Variants in NEXMIF observed in about 807,000 individuals in gnomAD.
NEXMIF encodes the protein XLMR protein related to neurite extension.
In NEXMIF, 8 loss-of-function variants were observed where a neutral mutation model predicts 62.1. That is an observed-to-expected ratio of 0.13 (90% CI 0.08 to 0.23). The LOEUF is 0.23. Among genes scored for constraint, NEXMIF ranks in the 10% least tolerant of loss-of-function variants. The pLI is 1.00. For synonymous variants in NEXMIF, 404 were observed against 416.6 expected (o/e 0.97, Z 0.37); for missense variants, 976 against 1,113.3 (o/e 0.88, Z 1.75).
chrX:74,765,719 A>G (rs1269797704), intron 1 of NEXMIF, among the ~76,000 whole-genome samples: 1 of 110,061 alleles, frequency 9.1e-6, no homozygotes, highest in Non-Finnish European at 1.9e-5. Context: ...TCTCGGTTGA[A>G]GATTTTTTTC....
chrX:74,739,173 A>T lies in NEXMIF; in HGVS notation c.*232T>A. On this transcript the variant is annotated 3_prime_UTR_variant, in exon 4 of 4. Coordinates refer to ENST00000055682, the MANE Select transcript of NEXMIF (RefSeq NM_001008537.3). ...TTGATATAGAAGTAAAAATATATAC[A>T]GTACAGTCACTTGTTTGTAGTTTGG... 3.4e-6 allele frequency: 1 copy of T among 291,977 alleles called. No homozygotes were observed. The highest frequency in any genetic ancestry group is 6.2e-5 in the East Asian group (1 of 16,102). The allele number at this position is 291,977 out of a possible 1,213,427, so 24.1% of individuals were successfully genotyped here.
chrX:74,884,399 C>A (rs2080681208), intron 1 of NEXMIF, among the ~76,000 whole-genome samples: 1 of 111,183 alleles, frequency 9.0e-6, no homozygotes, highest in South Asian at 3.8e-4. Flanking sequence ...TTCAGGAAAC[C>A]CATCTCACGT....
intron 1 of NEXMIF, among the ~76,000 whole-genome samples, chrX:74,846,855 T>C (rs1300402790): frequency 8.9e-6 from 1 of 112,175 alleles, no homozygotes; most frequent in Admixed American, 9.4e-5. Context: ...TCTTATAAAG[T>C]AATAAGCTCT....
At chrX:74,772,175 T>A (rs1602222921) in intron 1 of NEXMIF, among the ~76,000 whole-genome samples, 1 of 112,275 alleles carries the variant, frequency 8.9e-6, no homozygotes, top group South Asian at 3.7e-4. Flanking sequence ...ATATAGTGTC[T>A]GCAAATATTT....
At chrX:74,907,653 TCC>T (rs2080773873) in intron 1 of NEXMIF, among the ~76,000 whole-genome samples, 1 of 111,126 alleles carries the variant, frequency 9.0e-6, no homozygotes, top group Non-Finnish European at 1.9e-5. Context: ...CTTTCCTAAG[TCC>T]ATGAAGATGT....
intron 1 of NEXMIF, among the ~76,000 whole-genome samples, chrX:74,832,946 A>T (rs2080443252): frequency 9.0e-6 from 1 of 111,222 alleles, no homozygotes; most frequent in African/African-American, 3.3e-5. Context: ...TTTGTTCTTA[A>T]TTTTTTGTTT....
intron 1 of NEXMIF, among the ~76,000 whole-genome samples, chrX:74,790,282 T>C (rs2147463653): frequency 1.8e-5 from 2 of 110,561 alleles, no homozygotes; most frequent in East Asian, 5.6e-4. Context: ...GATCAGATAG[T>C]TGTAGATATG....
chrX:74,910,332 T>G (rs1217902482), intron 1 of NEXMIF, among the ~76,000 whole-genome samples: 2 of 112,297 alleles, frequency 1.8e-5, no homozygotes, highest in Non-Finnish European at 3.8e-5. Flanking sequence ...AGGAGATCAT[T>G]TTGCAGCTTT....
At chrX:74,843,558 G>A (rs1304438453) in intron 1 of NEXMIF, among the ~76,000 whole-genome samples, 2 of 110,516 alleles carry the variant, frequency 1.8e-5, no homozygotes, top group African/African-American at 6.6e-5. Flanking sequence ...GGGACTACAG[G>A]CGCCTGCCAA....
chrX:74,741,840 C>G lies in NEXMIF; in HGVS notation c.2717G>C (p.Arg906Thr), dbSNP rs2080105540. The G allele has an allele frequency of 8.3e-7, 1 of 1,211,800 alleles. No individual in the cohort carries two copies. The highest frequency in any genetic ancestry group is 1.1e-6 in the Non-Finnish European group (1 of 895,436). Residue 906 changes from arginine to threonine, a missense_variant, in exon 3 of 4, where the codon AGG becomes ACG. Physicochemically the swap from Arg to Thr is moderately conservative, Grantham distance 71. Coordinates refer to ENST00000055682, the MANE Select transcript of NEXMIF (RefSeq NM_001008537.3). ...GTQEFMAEVSREIAPTQSSEF... is the reference protein window; with the variant it reads ...GTQEFMAEVSTEIAPTQSSEF... ...ACTGGATTGGGTTGGGGCTATCTCCCTTGAGACTTCAGCCATGAATTCCTG... is the reference window on the plus strand; with the variant it reads ...ACTGGATTGGGTTGGGGCTATCTCCGTTGAGACTTCAGCCATGAATTCCTG...
Position 74,740,170 on chromosome X carries a change from T to A in NEXMIF, c.4387A>T (p.Lys1463Ter). ...TGTTCTCGCTCCATGTGCTTTCCCT[T>A]ACATTTCTCATCTCTCAGGGCCTTG... ...SSKALRDEKC[K>*]GKHMEREQVH... Residue 1463 changes from lysine (K) to a stop codon, truncating the protein, a stop_gained, in exon 3 of 4, where the codon AAG (lysine) becomes TAG (stop). Transcript: ENST00000055682. LOFTEE classifies it high-confidence loss of function. 8.3e-7 allele frequency: 1 copy of A among 1,211,001 alleles called. No individual in the cohort carries two copies. Among genetic ancestry groups the A allele is most frequent in the Non-Finnish European group, 1.1e-6 (1 of 894,933 alleles).
chrX:74,806,685 G>T (rs963273347), intron 1 of NEXMIF, among the ~76,000 whole-genome samples: 1 of 112,104 alleles, frequency 8.9e-6, no homozygotes, highest in Admixed American at 9.4e-5. Flanking sequence ...TCTTCTAGTA[G>T]GTTAATAGTT....
chrX:74,843,236 G>A lies in NEXMIF; in HGVS notation c.-48+81647C>T, dbSNP rs750383888. On this transcript the variant is annotated intron_variant, in intron 1 of 3. Coordinates refer to ENST00000055682, the MANE Select transcript of NEXMIF (RefSeq NM_001008537.3). ...CTTTACCATTATGTAATGCTCTTAG[G>A]CTTTTTTGATCTTTCTTCGTTTGAA... 4.5e-5 allele frequency among the ~76,000 whole-genome samples: 5 copies of A among 111,331 alleles called. No individual in the cohort carries two copies. In the South Asian group the frequency reaches 1.9e-3, roughly 42 times the overall value.
At chrX:74,847,276 C>T (rs1350709537) in intron 1 of NEXMIF, among the ~76,000 whole-genome samples, 1 of 112,181 alleles carries the variant, frequency 8.9e-6, no homozygotes, top group African/African-American at 3.2e-5. Context: ...TAGAACTCAT[C>T]ACTGTTAACT....
intron 1 of NEXMIF, among the ~76,000 whole-genome samples, chrX:74,828,176 G>C (rs1266788577): frequency 9.0e-6 from 1 of 111,690 alleles, no homozygotes; most frequent in African/African-American, 3.2e-5. Context: ...AATTGGAAAG[G>C]CTGTTCATTT....
chrX:74,884,290 T>C (rs183992869), intron 1 of NEXMIF, among the ~76,000 whole-genome samples: 62 of 111,779 alleles, frequency 5.5e-4, no homozygotes, highest in African/African-American at 2.0e-3. Flanking sequence ...AATTCATACA[T>C]AACAATACTA....
intron 1 of NEXMIF, among the ~76,000 whole-genome samples, chrX:74,748,874 GA>G: frequency 8.9e-6 from 1 of 111,923 alleles, no homozygotes; most frequent in Non-Finnish European, 1.9e-5. Flanking sequence ...ATCAAGGCAA[GA>G]AAGTAAGTCC....
intron 1 of NEXMIF, among the ~76,000 whole-genome samples, chrX:74,858,967 G>A (rs755046227): frequency 1.8e-5 from 2 of 109,977 alleles, no homozygotes; most frequent in Non-Finnish European, 3.8e-5. Context: ...TACACAGTAA[G>A]AGTAGACAAA....
intron 1 of NEXMIF, among the ~76,000 whole-genome samples, chrX:74,837,019 C>T (rs985307770): frequency 7.2e-5 from 8 of 111,479 alleles, no homozygotes; most frequent in African/African-American, 2.0e-4. Context: ...GCTGCAAATG[C>T]CCCCTCTGTG....
Sources: gnomAD v4.1 joint callset for allele counts (sites outside exome capture counted in the v4.1 genomes callset) on GRCh38, gnomAD v4.1.1 for gene constraint, MANE v1.5 for transcripts, NCBI Gene and HGNC (gene_info 2026-07-23, HGNC 2026-07-21) for gene names.